Variants in NEGR1 observed in about 807,000 individuals in gnomAD.
The protein encoded by NEGR1 is neuronal growth regulator 1.
NEGR1 carries 10 observed loss-of-function variants against 40.9 expected under a neutral mutation model. That is an observed-to-expected ratio of 0.24 (90% CI 0.15 to 0.42). The LOEUF (loss-of-function observed/expected upper bound fraction) is 0.42, where lower values mean the gene tolerates loss of function less well. Ranked by LOEUF, NEGR1 falls within the 10% of genes least tolerant of loss-of-function variation. The pLI is 1.00. For synonymous variants in NEGR1, 185 were observed against 166.8 expected (o/e 1.11, Z -0.84); for missense variants, 352 against 438.9 (o/e 0.80, Z 1.77).
intron 6 of NEGR1, among the ~76,000 whole-genome samples, chr1:71,457,765 G>A (rs1466893215): frequency 6.6e-6 from 1 of 151,872 alleles, no homozygotes; most frequent in East Asian, 1.9e-4. Flanking sequence ...GAGTGCAGTG[G>A]ATCTCGGCTC....
intron 1 of NEGR1, among the ~76,000 whole-genome samples, chr1:72,082,624 T>C (rs1449884512): frequency 2.0e-5 from 3 of 151,216 alleles, no homozygotes; most frequent in East Asian, 1.9e-4. Context: ...TATTCACTGA[T>C]AAGAATGAAC....
intron 6 of NEGR1, among the ~76,000 whole-genome samples, chr1:71,564,235 G>T (rs1648549087): frequency 6.6e-6 from 1 of 151,988 alleles, no homozygotes; most frequent in African/African-American, 2.4e-5. Flanking sequence ...AGGATGAGTA[G>T]CCCCTTGCTA....
At chr1:71,647,214 C>A (rs1454989221) in intron 4 of NEGR1, among the ~76,000 whole-genome samples, 1 of 151,800 alleles carries the variant, frequency 6.6e-6, no homozygotes, top group Admixed American at 6.6e-5. Flanking sequence ...AGTTTCATTT[C>A]TCACCATTTT....
At chr1:71,664,367 T>A (rs905160065) in intron 4 of NEGR1, among the ~76,000 whole-genome samples, 26 of 152,222 alleles carry the variant, frequency 1.7e-4, no homozygotes, top group Non-Finnish European at 2.4e-4. Flanking sequence ...TGAATTTGGA[T>A]ATGGTAGTTC....
intron 6 of NEGR1, among the ~76,000 whole-genome samples, chr1:71,431,988 C>T (rs538585397): frequency 3.9e-5 from 6 of 152,184 alleles, no homozygotes; most frequent in South Asian, 2.1e-4. Context: ...TGTTCAAAAG[C>T]AACAATGAAA....
chr1:71,765,381 T>G (rs1656085403), intron 3 of NEGR1, among the ~76,000 whole-genome samples: 1 of 152,176 alleles, frequency 6.6e-6, no homozygotes, highest in Admixed American at 6.5e-5. Flanking sequence ...CAGAAAAACT[T>G]TCCAAGAGTT....
chr1:71,748,409 T>C (rs1289882861), intron 3 of NEGR1, among the ~76,000 whole-genome samples: 2 of 152,202 alleles, frequency 1.3e-5, no homozygotes, highest in East Asian at 1.9e-4. Flanking sequence ...TATATATGTA[T>C]ACATATCTTC....
intron 3 of NEGR1, among the ~76,000 whole-genome samples, chr1:71,715,403 G>A (rs922415007): frequency 6.6e-6 from 1 of 152,208 alleles, no homozygotes; most frequent in Admixed American, 6.5e-5. Flanking sequence ...AACTTCTGCA[G>A]TGGTCTTGAA....
At chr1:71,701,115 C>A (rs1004871420) in intron 3 of NEGR1, among the ~76,000 whole-genome samples, 1 of 151,972 alleles carries the variant, frequency 6.6e-6, no homozygotes, top group Non-Finnish European at 1.5e-5. Context: ...GAGCTTCTGA[C>A]ATACAGAATT....
intron 2 of NEGR1, among the ~76,000 whole-genome samples, chr1:71,801,531 C>A (rs907338772): frequency 6.6e-6 from 1 of 152,120 alleles, no homozygotes; most frequent in Admixed American, 6.6e-5. Flanking sequence ...TCATGCCAGC[C>A]TTTCTTATCT....
At chr1:71,796,463 T>A (rs1466143800) in intron 2 of NEGR1, among the ~76,000 whole-genome samples, 1 of 152,180 alleles carries the variant, frequency 6.6e-6, no homozygotes, top group Non-Finnish European at 1.5e-5. Flanking sequence ...TGCATTTTCA[T>A]CAAATTCAAA....
chr1:72,008,262 G>T (rs1424713590), intron 1 of NEGR1, among the ~76,000 whole-genome samples: 17 of 152,018 alleles, frequency 1.1e-4, no homozygotes, highest in Non-Finnish European at 2.5e-4. Context: ...ATCAAAGAAG[G>T]TTAGAATTTT....
chr1:71,545,600 T>C (rs1647868814), intron 6 of NEGR1, among the ~76,000 whole-genome samples: 1 of 151,622 alleles, frequency 6.6e-6, no homozygotes, highest in Non-Finnish European at 1.5e-5. Flanking sequence ...CTCTTTTCCT[T>C]TTTTTTAGCT....
intron 1 of NEGR1, among the ~76,000 whole-genome samples, chr1:71,960,284 GA>G (rs563489138): frequency 2.1e-3 from 318 of 152,138 alleles, no homozygotes; most frequent in Middle Eastern, 0.017. Context: ...TTTCTATGGG[GA>G]AAAAAATTGT....
intron 4 of NEGR1, among the ~76,000 whole-genome samples, chr1:71,635,906 T>A (rs1651132778): frequency 6.6e-6 from 1 of 152,042 alleles, no homozygotes; most frequent in South Asian, 2.1e-4. Context: ...TTTTGTCATA[T>A]TTTAGGTTCT....
In NEGR1 at chr1:71,726,933, A is replaced by G. The variant is rs76099857; in HGVS notation, c.536-28794T>C. ...AATCCTTCAGGTATGCTTCCCTGAC[A>G]TGTGTTACTCTACGTGACCTAATAT... is the stretch of plus-strand genomic sequence containing the variant. On this transcript the variant is annotated intron_variant, in intron 3 of 6. Transcript: ENST00000357731. 6.4e-3 allele frequency among the ~76,000 whole-genome samples: 971 copies of G among 152,230 alleles called. 9 individuals carry two copies. In the Middle Eastern group the frequency reaches 0.071, roughly 11 times the overall value.
intron 2 of NEGR1, among the ~76,000 whole-genome samples, chr1:71,816,067 C>T (rs1052995845): frequency 1.3e-5 from 2 of 151,928 alleles, no homozygotes; most frequent in African/African-American, 4.8e-5. Flanking sequence ...CCCAAATATC[C>T]CTTGTCTTAC....
chr1:71,530,078 T>A (rs185100454), intron 6 of NEGR1, among the ~76,000 whole-genome samples: 78 of 151,350 alleles, frequency 5.2e-4, no homozygotes, highest in Non-Finnish European at 1.0e-3. Flanking sequence ...TATATCCACT[T>A]TATCTCTGCT....
At chr1:71,498,853 T>C (rs539143296) in intron 6 of NEGR1, among the ~76,000 whole-genome samples, 18 of 152,218 alleles carry the variant, frequency 1.2e-4, no homozygotes, top group Non-Finnish European at 2.2e-4. Flanking sequence ...ATATATTCAG[T>C]AGAGATAGTT....
Sources: gnomAD v4.1 joint callset for allele counts (sites outside exome capture counted in the v4.1 genomes callset) on GRCh38, gnomAD v4.1.1 for gene constraint, MANE v1.5 for transcripts, NCBI Gene and HGNC (gene_info 2026-07-23, HGNC 2026-07-21) for gene names.